AGT: variants seen among roughly 807,000 people sequenced by gnomAD.
AGT encodes angiotensinogen.
AGT carries 26 observed loss-of-function variants against 28.1 expected under a neutral mutation model. The ratio of observed to expected loss-of-function variants is 0.92; its 90% CI spans 0.68 to 1.28. AGT has a LOEUF of 1.28. Ranked by LOEUF, AGT falls within the 50% of genes most tolerant of loss-of-function variation. The probability of loss-of-function intolerance (pLI) is 0.00; values close to 1 mark genes in which losing one functional copy is unlikely to be tolerated. For synonymous variants in AGT, 259 were observed against 259.6 expected, an observed-to-expected ratio of 1.00 and a Z score of 0.02; for missense variants, 596 against 592.3, an observed-to-expected ratio of 1.01 and a Z score of -0.06.
chr1:230,740,965 G>A (rs1048846183), intron 1 of AGT, among the ~76,000 whole-genome samples: 2 of 151,904 alleles, frequency 1.3e-5, no homozygotes, highest in African/African-American at 4.8e-5. Flanking sequence ...ATTTTTTTGG[G>A]CCCTAAACTG....
upstream of AGT, among the ~76,000 whole-genome samples, chr1:230,717,595 C>T (rs1302341972): frequency 1.3e-5 from 2 of 152,170 alleles, no homozygotes; most frequent in Non-Finnish European, 2.9e-5. Flanking sequence ...TGCAACCCCA[C>T]ATCATGCCTT....
At position 230,709,819 on chromosome 1, in the gene AGT, G is replaced by A. The variant is rs537384504; in HGVS notation, c.829+176C>T. Among the ~76,000 whole-genome samples, 4 of 152,324 alleles carry A rather than the reference G, an allele frequency of 2.6e-5. No individual in the cohort carries two copies. In the East Asian group the frequency reaches 7.7e-4, roughly 29 times the overall value. ...CATAGTAGGGCAGCAGGTCCAGGAG[G>A]TGGACGGCCCATCCAGGGACCCAGC... On this transcript the variant is annotated intron_variant, in intron 2 of 4. Coordinates refer to ENST00000366667, the MANE Select transcript of AGT (RefSeq NM_001384479.1).
chr1:230,731,203 G>A (rs907045526), intron 1 of AGT, among the ~76,000 whole-genome samples: 25 of 152,230 alleles, frequency 1.6e-4, no homozygotes, highest in Non-Finnish European at 3.2e-4. Context: ...ATTCTGGCTC[G>A]AGTAATATTT....
upstream of AGT, among the ~76,000 whole-genome samples, chr1:230,717,132 G>T (rs1404721222): frequency 3.5e-5 from 5 of 144,838 alleles, no homozygotes; most frequent in Non-Finnish European, 7.5e-5. Context: ...AAGTGGCTGG[G>T]GCAAAGCTAC....
At chr1:230,740,810 G>A (rs530166930) in intron 1 of AGT, among the ~76,000 whole-genome samples, 144 of 152,296 alleles carry the variant, frequency 9.5e-4, no homozygotes, top group African/African-American at 3.0e-3. Flanking sequence ...TTAGCTGGAT[G>A]TGGTGGCACA....
chr1:230,705,537 C>T (rs1220508344), intron 3 of AGT, among the ~76,000 whole-genome samples: 5 of 152,242 alleles, frequency 3.3e-5, no homozygotes, highest in African/African-American at 1.2e-4. Flanking sequence ...GAAGTCCGAA[C>T]CCTCCTGGCA....
rs1663377404 is a variant in AGT, at chr1:230,706,076, G to A, written c.954C>T (p.Asp318=). The change falls in exon 3 of 5, where the codon GAC becomes GAT. Residue 318 remains aspartate, a synonymous_variant. Coordinates refer to ENST00000366667, the MANE Select transcript of AGT (RefSeq NM_001384479.1). The stretch of plus-strand genomic sequence containing the variant: ...AGGGCACTTGAGTCACCGAGAAGTT[G>A]TCCTGGATGTCACTCCAGTGCTGGA... ...GTFQHWSDIQ[D]NFSVTQVPFT... 1 of 1,614,184 alleles carries A rather than the reference G, an allele frequency of 6.2e-7. No homozygotes were observed. The highest frequency in any genetic ancestry group is 8.5e-7 in the Non-Finnish European group (1 of 1,180,032).
intron 1 of AGT, among the ~76,000 whole-genome samples, chr1:230,729,610 G>T (rs1368121090): frequency 2.6e-5 from 4 of 152,126 alleles, no homozygotes; most frequent in African/African-American, 4.8e-5. Context: ...GTGACAGCCT[G>T]CCTTCAGTGG....
In AGT at chr1:230,702,666, A is replaced by G. The variant is rs1359062443; in HGVS notation, c.*475T>C. ...ATCACAAGCATCTGTGGAAAAAACTAAGGTATTACAGACACTACACGGAGG... is the reference window on the plus strand; with the variant it reads ...ATCACAAGCATCTGTGGAAAAAACTGAGGTATTACAGACACTACACGGAGG... On this transcript the variant is annotated 3_prime_UTR_variant, in exon 5 of 5. Transcript: ENST00000366667. The G allele has an allele frequency of 6.2e-6, 1 of 162,128 alleles. No homozygotes were observed. Among genetic ancestry groups the G allele is most frequent in the East Asian group, 1.7e-4 (1 of 5,980 alleles). The allele number at this position is 162,128 out of a possible 1,614,324, so 10.0% of individuals were successfully genotyped here.
chr1:230,705,518 C>G (rs571109682), intron 3 of AGT, among the ~76,000 whole-genome samples: 25 of 152,184 alleles, frequency 1.6e-4, no homozygotes, highest in Non-Finnish European at 2.1e-4. Flanking sequence ...GCCCCACCCC[C>G]GCTCACGCGA....
intron 2 of AGT, among the ~76,000 whole-genome samples, chr1:230,706,644 C>T (rs1456542845): frequency 6.6e-6 from 1 of 152,180 alleles, no homozygotes; most frequent in Non-Finnish European, 1.5e-5. Flanking sequence ...GCAGAAAGTA[C>T]AGAAAGTTCC....
chr1:230,733,507 C>A (rs1344793690), intron 1 of AGT, among the ~76,000 whole-genome samples: 1 of 152,090 alleles, frequency 6.6e-6, no homozygotes, highest in Non-Finnish European at 1.5e-5. Flanking sequence ...GATTTTCACT[C>A]GACAAATCAC....
chr1:230,741,243 G>A (rs894642572), intron 1 of AGT, among the ~76,000 whole-genome samples: 1 of 152,232 alleles, frequency 6.6e-6, no homozygotes, highest in South Asian at 2.1e-4. Flanking sequence ...TAGGGGCAGT[G>A]ATCTAGAGCT....
intron 3 of AGT, among the ~76,000 whole-genome samples, chr1:230,705,446 C>G (rs1663353311): frequency 6.6e-6 from 1 of 152,126 alleles, no homozygotes; most frequent in African/African-American, 2.4e-5. Context: ...CAACACCTAT[C>G]CCCACCCAGC....
At chr1:230,711,191 G>A (rs1329641442) in intron 1 of AGT, among the ~76,000 whole-genome samples, 3 of 152,156 alleles carry the variant, frequency 2.0e-5, no homozygotes, top group Admixed American at 6.5e-5. Flanking sequence ...GAGGCCATGA[G>A]GGTGAGCCCT....
At chr1:230,714,505 C>T (rs5047), upstream of AGT, among the ~76,000 whole-genome samples, 1,524 of 152,210 alleles carry the variant, frequency 0.01, 5 homozygotes, top group Non-Finnish European at 0.016. Context: ...ACATGCAGGC[C>T]GGAGGTGCAG....
chr1:230,702,957 G>C lies in AGT; in HGVS notation c.*184C>G, dbSNP rs11684. On this transcript the variant is annotated 3_prime_UTR_variant, in exon 5 of 5. Transcript: ENST00000366667. ...TGCAGGCTTCTACTGCTCACTCCAT[G>C]CAGCACACTTAGACCAAGGAGAAAC... is the stretch of plus-strand genomic sequence containing the variant. 6.1e-6 allele frequency: 4 copies of C among 656,320 alleles called. No homozygotes were observed. The Admixed American group carries it at 8.6e-5, about 14-fold the overall frequency. 40.7% of individuals were successfully genotyped at this position (656,320 alleles called of 1,614,324 possible). A position where few individuals can be genotyped will look rare whatever the true frequency, so the allele number is the denominator to read the frequency against.
At chr1:230,714,584 A>T (rs915754489), upstream of AGT, among the ~76,000 whole-genome samples, 8 of 152,252 alleles carry the variant, frequency 5.3e-5, no homozygotes, top group African/African-American at 1.9e-4. Context: ...CTGCCCGCTC[A>T]TGGGATGTGT....
chr1:230,705,890 C>G (rs772512439), intron 3 of AGT, 43 bp downstream of exon 3: 2 of 1,610,766 alleles, frequency 1.2e-6, no homozygotes. Context: ...CTGGGCAGGA[C>G]AGTGTGGCTC....
Sources: gnomAD v4.1 joint callset for allele counts (sites outside exome capture counted in the v4.1 genomes callset) on GRCh38, gnomAD v4.1.1 for gene constraint, MANE v1.5 for transcripts, NCBI Gene and HGNC (gene_info 2026-07-23, HGNC 2026-07-21) for gene names.